The following RGS9BP variants were observed in gnomAD, a reference collection of about 807,000 sequenced individuals.
The protein encoded by RGS9BP is regulator of G protein signaling 9 binding protein.
A neutral mutation model predicts 3.8 loss-of-function variants in RGS9BP; 1 was observed. That is an observed-to-expected ratio of 0.26 (90% CI 0.09 to 1.24). RGS9BP has a LOEUF of 1.24. Ranked by LOEUF, RGS9BP falls within the 50% of genes most tolerant of loss-of-function variation. The probability of loss-of-function intolerance (pLI) is 0.48; values close to 1 mark genes in which losing one functional copy is unlikely to be tolerated. For missense variants in RGS9BP, 363 were observed against 344.3 expected, an observed-to-expected ratio of 1.05 and a Z score of -0.43; for synonymous variants, 200 against 177.8, an observed-to-expected ratio of 1.13 and a Z score of -1.00.
rs1208048876 is a variant in RGS9BP at position 32,676,168 on chromosome 19, G to A, written c.-96G>A. Reference sequence around the variant, plus strand: ...GGACCATGAAGAGCGTTCGTGCCGCGCGGCCCAAGGCCGGGATGGGGGTTA... The same window carrying A: ...GGACCATGAAGAGCGTTCGTGCCGCACGGCCCAAGGCCGGGATGGGGGTTA... On this transcript the variant is annotated 5_prime_UTR_variant, in exon 1 of 1. Transcript: ENST00000334176. 4 of 784,254 alleles carry A rather than the reference G, an allele frequency of 5.1e-6. No homozygotes were observed. The highest frequency in any genetic ancestry group is 7.8e-6 in the Non-Finnish European group (4 of 509,662). The allele number at this position is 784,254 out of a possible 1,614,324, so 48.6% of individuals were successfully genotyped here.
At position 32,676,403 on chromosome 19, in the gene RGS9BP, C is replaced by T; in HGVS notation, c.140C>T (p.Ala47Val). The T allele has an allele frequency of 6.2e-7, 1 of 1,607,482 alleles. No individual in the cohort carries two copies. Among genetic ancestry groups the T allele is most frequent in the South Asian group, 1.1e-5 (1 of 90,908 alleles). The change falls in exon 1 of 1, where the codon GCG becomes GTG. Residue 47 changes from alanine to valine, a missense_variant. Physicochemically the swap from Ala to Val is moderately conservative, Grantham distance 64 (BLOSUM62 0). Coordinates refer to ENST00000334176, the MANE Select transcript of RGS9BP (RefSeq NM_207391.3). ...RQELQKTRQK[A>V]QELAVSTCAR... The stretch of plus-strand genomic sequence containing the variant: ...GAGCTGCAAAAGACGCGCCAGAAGG[C>T]GCAGGAGCTGGCGGTGTCCACCTGC...
Position 32,676,785 on chromosome 19 carries a change from C to G in RGS9BP, c.522C>G (p.Thr174=), listed in dbSNP as rs769710405. The change falls in exon 1 of 1, where the codon ACC becomes ACG. Residue 174 remains threonine (T), a synonymous_variant. Coordinates refer to ENST00000334176, the MANE Select transcript of RGS9BP (RefSeq NM_207391.3). ...TGAAGGTCAACGTGCCCCGCTGGAC[C>G]GTGCAAGCCCGGCAGGCGGCGGGCG... ...MEMKVNVPRW[T]VQARQAAGAE... 3.2e-6 allele frequency: 5 copies of G among 1,586,384 alleles called. No homozygotes were observed. In the South Asian group the frequency reaches 5.6e-5, roughly 18 times the overall value.
At position 32,676,913 on chromosome 19, in the gene RGS9BP, T is replaced by A; in HGVS notation, c.650T>A (p.Phe217Tyr). ...AGGAAGGCCCTGGCCGCCATCCTTT[T>A]CGGCGCCGTGCTGCTGGCGGCTGTG... ...DPRKALAAIL[F>Y]GAVLLAAVAL... Residue 217 changes from phenylalanine to tyrosine, a missense_variant, in exon 1 of 1, where the codon TTC becomes TAC. Coordinates refer to ENST00000334176, the MANE Select transcript of RGS9BP (RefSeq NM_207391.3). 1 of 1,601,610 alleles carries A rather than the reference T, an allele frequency of 6.2e-7. No individual in the cohort carries two copies. The highest frequency in any genetic ancestry group is 1.3e-5 in the African/African-American group (1 of 74,970).
chr19:32,677,173 G>T lies in RGS9BP; in HGVS notation c.*202G>T. The T allele has an allele frequency of 3.2e-6, 2 of 624,662 alleles. No individual in the cohort carries two copies. The highest frequency in any genetic ancestry group is 1.9e-5 in the South Asian group (1 of 53,910). 38.7% of individuals were successfully genotyped at this position (624,662 alleles called of 1,614,324 possible). The stretch of plus-strand genomic sequence containing the variant: ...GGGAGGAGTTAACTTTGCGCCGGCC[G>T]TCAGGGCATTACCGCTAACGTCTGC... On this transcript the variant is annotated 3_prime_UTR_variant, in exon 1 of 1. Coordinates refer to ENST00000334176, the MANE Select transcript of RGS9BP (RefSeq NM_207391.3).
Position 32,676,189 on chromosome 19 carries a change from GGTTA to G in RGS9BP, c.-73_-70del. Reference sequence around the variant, plus strand: ...CCGCGCGGCCCAAGGCCGGGATGGGGGTTAGCCACATCCTGCCGCGCTGAGGGGG... The same window carrying G: ...CCGCGCGGCCCAAGGCCGGGATGGGGGCCACATCCTGCCGCGCTGAGGGGG... On this transcript the variant is annotated 5_prime_UTR_variant, in exon 1 of 1. The change abolishes the stop of an existing upstream ORF in the 5' untranslated region. Transcript: ENST00000334176. The G allele has an allele frequency of 1.9e-6, 2 of 1,052,480 alleles. No individual in the cohort carries two copies. The highest frequency in any genetic ancestry group is 2.8e-6 in the Non-Finnish European group (2 of 725,230). The allele number at this position is 1,052,480 out of a possible 1,614,324, so 65.2% of individuals were successfully genotyped here.
chr19:32,677,239 C>T lies in RGS9BP; in HGVS notation c.*268C>T. The T allele has an allele frequency of 9.4e-6, 5 of 533,700 alleles. No homozygotes were observed. In the South Asian group the frequency reaches 1.2e-4, roughly 13 times the overall value. 33.1% of individuals were successfully genotyped at this position (533,700 alleles called of 1,614,324 possible). A position where few individuals can be genotyped will look rare whatever the true frequency, so the allele number is the denominator to read the frequency against. On this transcript the variant is annotated 3_prime_UTR_variant, in exon 1 of 1. Coordinates refer to ENST00000334176, the MANE Select transcript of RGS9BP (RefSeq NM_207391.3). The stretch of plus-strand genomic sequence containing the variant: ...TATTAATAGAAAACCGTCACAGTGA[C>T]CCTAGATCCCTCCGAGTTAATGAGT...
In RGS9BP at chr19:32,676,719, C is replaced by G; in HGVS notation, c.456C>G (p.Arg152=). The G allele has an allele frequency of 6.5e-7, 1 of 1,546,714 alleles. No individual in the cohort carries two copies. The highest frequency in any genetic ancestry group is 8.7e-7 in the Non-Finnish European group (1 of 1,152,778). The change falls in exon 1 of 1, where the codon CGC becomes CGG. Residue 152 remains arginine (R), a synonymous_variant. Coordinates refer to ENST00000334176, the MANE Select transcript of RGS9BP (RefSeq NM_207391.3). ...TCGCGGACCTGCGGGAGCTGGAGCG[C>G]GAGGTCCTTCAGGTGGGCGAGATGA... ...FDVADLRELE[R]EVLQVGEMID... is the part of the protein sequence containing the mutation.
chr19:32,676,646 C>A lies in RGS9BP; in HGVS notation c.383C>A (p.Ala128Glu), dbSNP rs1455053946. ...AGASSGVAAR[A>E]LSTRSLRLEA... ...GCCTCCTCCGGCGTGGCGGCGCGCG[C>A]GCTGAGCACCCGCAGCCTGCGGCTC... Residue 128 changes from alanine (A) to glutamate (E), a missense_variant, in exon 1 of 1, where the codon GCG becomes GAG. By Grantham distance (107) the Ala-to-Glu change is moderately radical. Transcript: ENST00000334176. 1 of 1,532,098 alleles carries A rather than the reference C, an allele frequency of 6.5e-7. No individual in the cohort carries two copies. The highest frequency in any genetic ancestry group is 8.7e-7 in the Non-Finnish European group (1 of 1,144,952). 94.9% of individuals were successfully genotyped at this position (1,532,098 alleles called of 1,614,324 possible). A position where few individuals can be genotyped will look rare whatever the true frequency, so the allele number is the denominator to read the frequency against.
chr19:32,676,822 T>C lies in RGS9BP; in HGVS notation c.559T>C (p.Ser187Pro), dbSNP rs753547260. ...ARQAAGAELL[S>P]TVSAGPSSVV... ...GCAGGCGGCGGGCGCCGAGCTCCTG[T>C]CCACGGTCAGCGCCGGCCCCTCCTC... Residue 187 changes from serine (S) to proline (P), a missense_variant, in exon 1 of 1, where the codon TCC (serine) becomes CCC (proline). Physicochemically the swap from Ser to Pro is moderately conservative, Grantham distance 74. Coordinates refer to ENST00000334176, the MANE Select transcript of RGS9BP (RefSeq NM_207391.3). 4 of 1,585,414 alleles carry C rather than the reference T, an allele frequency of 2.5e-6. No homozygotes were observed. Among genetic ancestry groups the C allele is most frequent in the Non-Finnish European group, 2.6e-6 (3 of 1,173,384 alleles).
Position 32,676,436 on chromosome 19 carries a change from T to A in RGS9BP, c.173T>A (p.Leu58Gln), listed in dbSNP as rs2145338695. The A allele has an allele frequency of 6.3e-7, 1 of 1,592,338 alleles. No individual in the cohort carries two copies. Among genetic ancestry groups the A allele is most frequent in the Admixed American group, 1.7e-5 (1 of 58,222 alleles). ...QELAVSTCAR[L>Q]TAVLRDRGLA... ...CTGGCGGTGTCCACCTGCGCCCGGC[T>A]GACTGCTGTGCTGCGCGACCGGGGC... The change falls in exon 1 of 1, where the codon CTG (leucine) becomes CAG (glutamine). Residue 58 changes from leucine (L) to glutamine (Q), a missense_variant. Coordinates refer to ENST00000334176, the MANE Select transcript of RGS9BP (RefSeq NM_207391.3).
chr19:32,677,722 C>T lies in RGS9BP; in HGVS notation c.*751C>T, dbSNP rs1213916430. The T allele has an allele frequency of 2.4e-5, 4 of 167,148 alleles. No homozygotes were observed. The highest frequency in any genetic ancestry group is 5.9e-5 in the Non-Finnish European group (4 of 68,184). 10.4% of individuals were successfully genotyped at this position (167,148 alleles called of 1,614,324 possible). ...GCGCACACTTGCCTGCGGAAAAGGG[C>T]TCTCCCCAGCCACCCGGAGATGGGG... On this transcript the variant is annotated 3_prime_UTR_variant, in exon 1 of 1. Coordinates refer to ENST00000334176, the MANE Select transcript of RGS9BP (RefSeq NM_207391.3).
chr19:32,676,479 C>A lies in RGS9BP; in HGVS notation c.216C>A (p.Arg72=). Residue 72 remains arginine (R), a synonymous_variant, in exon 1 of 1, where the codon CGC becomes CGA. Coordinates refer to ENST00000334176, the MANE Select transcript of RGS9BP (RefSeq NM_207391.3). ...ACCGGGGCCTGGCCGCCGACGAGCG[C>A]GCCGAGTTCGAGCGGCTCTGGGTGG... ...LRDRGLAADE[R]AEFERLWVAF... The A allele has an allele frequency of 1.3e-6, 2 of 1,555,110 alleles. No individual in the cohort carries two copies.
In RGS9BP at chr19:32,678,299, G is replaced by C. The variant is rs561840494; in HGVS notation, c.*1328G>C. 6.8e-6 allele frequency: 1 copy of C among 146,472 alleles called. No homozygotes were observed. 9.1% of individuals were successfully genotyped at this position (146,472 alleles called of 1,614,324 possible). ...CCCCACTTTTTTCTTTTTTGAGACA[G>C]GGTCTCCCTCTGTCACCCAGGCTGG... On this transcript the variant is annotated 3_prime_UTR_variant, in exon 1 of 1. Transcript: ENST00000334176.
rs963208564 is a variant in RGS9BP, at chr19:32,676,077, C to T, written c.-187C>T. The T allele has an allele frequency of 3.7e-6, 2 of 539,348 alleles. No individual in the cohort carries two copies. The highest frequency in any genetic ancestry group is 6.5e-6 in the Non-Finnish European group (2 of 308,692). 33.4% of individuals were successfully genotyped at this position (539,348 alleles called of 1,614,324 possible). Reference sequence around the variant, plus strand: ...GGGCTCCCTCTGCGCGCCCCGTCCGCAGAGGCGCACGTCGAGGGTCCCGGG... The same window carrying T: ...GGGCTCCCTCTGCGCGCCCCGTCCGTAGAGGCGCACGTCGAGGGTCCCGGG... On this transcript the variant is annotated 5_prime_UTR_variant, in exon 1 of 1. Transcript: ENST00000334176.
Position 32,676,701 on chromosome 19 carries a change from C to T in RGS9BP, c.438C>T (p.Asp146=). The part of the protein sequence containing the change: ...LEAEGDFDVA[D]LRELEREVLQ... The stretch of plus-strand genomic sequence containing the variant: ...CGGAGGGCGACTTCGACGTCGCGGA[C>T]CTGCGGGAGCTGGAGCGCGAGGTCC... Residue 146 remains aspartate, a synonymous_variant, in exon 1 of 1, where the codon GAC becomes GAT. Transcript: ENST00000334176. 1 of 1,538,998 alleles carries T rather than the reference C, an allele frequency of 6.5e-7. No homozygotes were observed. The highest frequency in any genetic ancestry group is 1.2e-5 in the South Asian group (1 of 84,548).
rs1428626304 is a variant in RGS9BP at position 32,677,292 on chromosome 19, AC to A, written c.*322del. 6.0e-6 allele frequency: 2 copies of A among 330,582 alleles called. No homozygotes were observed. Among genetic ancestry groups the A allele is most frequent in the African/African-American group, 2.2e-5 (1 of 46,480 alleles). 20.5% of individuals were successfully genotyped at this position (330,582 alleles called of 1,614,324 possible). A position where few individuals can be genotyped will look rare whatever the true frequency, so the allele number is the denominator to read the frequency against. On this transcript the variant is annotated 3_prime_UTR_variant, in exon 1 of 1. Coordinates refer to ENST00000334176, the MANE Select transcript of RGS9BP (RefSeq NM_207391.3). ...ACACATGTGCTGTTGGGGCGTCTTT[AC>A]AGGGAGTCCGAGTTCGGTGCCCACC...
chr19:32,676,083 C>T lies in RGS9BP; in HGVS notation c.-181C>T, dbSNP rs749238904. On this transcript the variant is annotated 5_prime_UTR_variant, in exon 1 of 1. Transcript: ENST00000334176. Reference sequence around the variant, plus strand: ...CCTCTGCGCGCCCCGTCCGCAGAGGCGCACGTCGAGGGTCCCGGGCGGGCT... The same window carrying T: ...CCTCTGCGCGCCCCGTCCGCAGAGGTGCACGTCGAGGGTCCCGGGCGGGCT... The T allele has an allele frequency of 1.8e-6, 1 of 543,110 alleles. No individual in the cohort carries two copies. Among genetic ancestry groups the T allele is most frequent in the Non-Finnish European group, 3.2e-6 (1 of 311,070 alleles). The allele number at this position is 543,110 out of a possible 1,614,324, so 33.6% of individuals were successfully genotyped here.
Position 32,676,969 on chromosome 19 carries a change from T to G in RGS9BP, c.706T>G (p.Ter236GlyextTer89). The change falls in exon 1 of 1, where the codon TGA becomes GGA. Residue 236 changes from the stop codon to glycine (G), a stop_lost. Transcript: ENST00000334176. ...ALAVCVAKLS[*>G] is the part of the protein sequence containing the mutation. ...AGCCGTGTGCGTGGCGAAGCTGAGC[T>G]GACGGACACCCGACGGCCGCCTGCT... The G allele has an allele frequency of 6.2e-7, 1 of 1,602,212 alleles. No individual in the cohort carries two copies. The highest frequency in any genetic ancestry group is 8.5e-7 in the Non-Finnish European group (1 of 1,176,986).
chr19:32,676,638 G>GGC lies in RGS9BP; in HGVS notation c.384_385dup (p.Leu129ArgfsTer2). The GGC allele has an allele frequency of 5.9e-6, 9 of 1,531,536 alleles. No individual in the cohort carries two copies. The highest frequency in any genetic ancestry group is 7.9e-6 in the Non-Finnish European group (9 of 1,144,634). The allele number at this position is 1,531,536 out of a possible 1,614,324, so 94.9% of individuals were successfully genotyped here. On this transcript the variant is annotated frameshift_variant, in exon 1 of 1. Transcript: ENST00000334176. LOFTEE classifies it low-confidence loss of function (END_TRUNC). Reference sequence around the variant, plus strand: ...TGGCTGGCGCCTCCTCCGGCGTGGCGGCGCGCGCGCTGAGCACCCGCAGCC... The same window carrying GGC: ...TGGCTGGCGCCTCCTCCGGCGTGGCGGCGCGCGCGCGCTGAGCACCCGCAGCC...
Sources: gnomAD v4.1 joint callset for allele counts on GRCh38, gnomAD v4.1.1 for gene constraint, MANE v1.5 for transcripts, NCBI Gene and HGNC (gene_info 2026-07-23, HGNC 2026-07-21) for gene names.